Variants in ROR1 observed in about 807,000 individuals in gnomAD.
ROR1 encodes inactive tyrosine-protein kinase transmembrane receptor ROR1.
Under a neutral mutation model 78.8 loss-of-function variants are expected in ROR1, and 19 were observed. The observed-to-expected ratio is 0.24, with a 90% CI of 0.17 to 0.35. The LOEUF (loss-of-function observed/expected upper bound fraction) is 0.35, where lower values mean the gene tolerates loss of function less well. Among genes scored for constraint, ROR1 ranks in the 10% least tolerant of loss-of-function variants. ROR1 has a pLI of 1.00. For synonymous variants in ROR1, 386 were observed against 433.6 expected, an observed-to-expected ratio of 0.89 and a Z score of 1.36; for missense variants, 917 against 1,177.8, an observed-to-expected ratio of 0.78 and a Z score of 3.24.
At chr1:63,937,826 T>A (rs1645805698) in intron 1 of ROR1, among the ~76,000 whole-genome samples, 1 of 152,220 alleles carries the variant, frequency 6.6e-6, no homozygotes, top group African/African-American at 2.4e-5. Context: ...CTACTGAGTC[T>A]GTAGATGTTG....
intron 1 of ROR1, among the ~76,000 whole-genome samples, chr1:63,996,177 TCTTATTAAAAAGATGTA>T (rs1646335588): frequency 6.6e-6 from 1 of 152,106 alleles, no homozygotes; most frequent in Non-Finnish European, 1.5e-5. Flanking sequence ...AAGCATACAA[TCTTATTAAAAAGATGTA>T]CCCCCAAAGA....
intron 4 of ROR1, among the ~76,000 whole-genome samples, chr1:64,112,853 G>T (rs912054859): frequency 6.6e-6 from 1 of 152,084 alleles, no homozygotes; most frequent in East Asian, 1.9e-4. Context: ...CTCTTTTCCC[G>T]AATGCAAGAC....
rs930449287 is a variant in ROR1 at position 63,774,649 on chromosome 1, G to A, written c.91+141G>A. ...CCGGCCACCCGCCACGGGGCTCGCCGGCGCCGCCAGGCCAGGGTTTGCCCC... is the reference window on the plus strand; with the variant it reads ...CCGGCCACCCGCCACGGGGCTCGCCAGCGCCGCCAGGCCAGGGTTTGCCCC... On this transcript the variant is annotated intron_variant, in intron 1 of 8. Transcript: ENST00000371079. The surrounding 1 kb of genome is among the most constrained non-coding windows in gnomAD (Gnocchi z 5.7). The A allele has an allele frequency of 3.4e-6, 1 of 290,594 alleles. No individual in the cohort carries two copies. Among genetic ancestry groups the A allele is most frequent in the Non-Finnish European group, 5.2e-6 (1 of 193,224 alleles). 18.0% of individuals were successfully genotyped at this position (290,594 alleles called of 1,614,324 possible). A position where few individuals can be genotyped will look rare whatever the true frequency, so the allele number is the denominator to read the frequency against.
intron 2 of ROR1, among the ~76,000 whole-genome samples, chr1:64,020,207 A>G (rs1223782782): frequency 1.3e-5 from 2 of 152,236 alleles, no homozygotes; most frequent in East Asian, 1.9e-4. Flanking sequence ...AATTTGTTAA[A>G]GTAACATCAG....
intron 1 of ROR1, among the ~76,000 whole-genome samples, chr1:63,917,080 C>T (rs1645614789): frequency 6.6e-6 from 1 of 152,102 alleles, no homozygotes; most frequent in Admixed American, 6.6e-5. Flanking sequence ...GGACACTGTC[C>T]CTGAACCCAA....
intron 4 of ROR1, among the ~76,000 whole-genome samples, chr1:64,059,298 T>C (rs1310972330): frequency 2.6e-5 from 4 of 152,182 alleles, no homozygotes; most frequent in Admixed American, 6.5e-5. Flanking sequence ...TTGTGACAAC[T>C]GTGGAAATCA....
chr1:63,798,490 G>A (rs1485948664), intron 1 of ROR1, among the ~76,000 whole-genome samples: 15 of 152,056 alleles, frequency 9.9e-5, no homozygotes, highest in Non-Finnish European at 2.2e-4. Flanking sequence ...ATTATACATG[G>A]GCTTGAGCCA....
chr1:64,009,257 A>G (rs1646455988), intron 1 of ROR1, 48 bp from the exon 2 acceptor site: 3 of 1,370,028 alleles, frequency 2.2e-6, no homozygotes, highest in African/African-American at 1.4e-5. Flanking sequence ...AAATTACTAT[A>G]TTTAATATTG....
chr1:64,026,219 G>A (rs769326047), intron 2 of ROR1, among the ~76,000 whole-genome samples: 2 of 152,174 alleles, frequency 1.3e-5, no homozygotes, highest in Non-Finnish European at 2.9e-5. Flanking sequence ...GGACTTTGCA[G>A]TAAGATTGGC....
intron 1 of ROR1, among the ~76,000 whole-genome samples, chr1:63,937,702 T>G (rs1161898279): frequency 6.6e-6 from 1 of 152,170 alleles, no homozygotes; most frequent in Non-Finnish European, 1.5e-5. Context: ...CAGGTGGTTT[T>G]GGGAAATGAG....
chr1:64,099,750 T>G (rs1296559620), intron 4 of ROR1, among the ~76,000 whole-genome samples: 1 of 152,190 alleles, frequency 6.6e-6, no homozygotes, highest in Non-Finnish European at 1.5e-5. Flanking sequence ...TTTGTGGGTT[T>G]ATTGTTGAAA....
intron 1 of ROR1, among the ~76,000 whole-genome samples, chr1:63,846,173 T>C (rs1002099763): frequency 5.9e-5 from 7 of 117,744 alleles, no homozygotes; most frequent in African/African-American, 2.1e-4. Flanking sequence ...TGTGTGTGTT[T>C]GAGAAATCAG....
intron 4 of ROR1, among the ~76,000 whole-genome samples, chr1:64,089,131 A>C (rs938255176): frequency 1.3e-5 from 2 of 152,124 alleles, no homozygotes; most frequent in African/African-American, 4.8e-5. Flanking sequence ...AATGTGTTTC[A>C]CCTTCAGAAT....
At chr1:63,811,982 A>G (rs1189509839) in intron 1 of ROR1, among the ~76,000 whole-genome samples, 2 of 135,400 alleles carry the variant, frequency 1.5e-5, no homozygotes, top group African/African-American at 3.1e-5. Context: ...TTTTTTTGAG[A>G]CAGAGTCTCG....
chr1:64,132,656 A>G (rs1040468837), intron 4 of ROR1, among the ~76,000 whole-genome samples: 4 of 147,314 alleles, frequency 2.7e-5, no homozygotes, highest in African/African-American at 9.9e-5. Context: ...GCTACTCAGG[A>G]GGCTGAGGAA....
intron 1 of ROR1, among the ~76,000 whole-genome samples, chr1:63,959,274 G>A (rs891027527): frequency 1.3e-4 from 19 of 151,666 alleles, no homozygotes; most frequent in African/African-American, 2.2e-4. Flanking sequence ...ATTCAATTAC[G>A]TCCCACTAGG....
intron 1 of ROR1, among the ~76,000 whole-genome samples, chr1:63,895,409 AC>A: frequency 6.6e-6 from 1 of 152,294 alleles, no homozygotes; most frequent in East Asian, 1.9e-4. Flanking sequence ...AAGAAAATAA[AC>A]CATGTATCTT....
intron 1 of ROR1, among the ~76,000 whole-genome samples, chr1:63,821,446 A>C (rs533708557): frequency 6.6e-6 from 1 of 152,302 alleles, no homozygotes; most frequent in East Asian, 1.9e-4. Context: ...AACACTTTTC[A>C]CTGCTGCATT....
chr1:63,789,392 A>T (rs1476667378), intron 1 of ROR1: 1 of 363,412 alleles, frequency 2.8e-6, no homozygotes, highest in Admixed American at 3.8e-5. Flanking sequence ...AAAGCCAGTG[A>T]ATGGGGACAC....
Sources: allele counts gnomAD v4.1 joint callset (sites outside exome capture counted in the v4.1 genomes callset), GRCh38; gene constraint gnomAD v4.1.1; non-coding constraint Gnocchi (gnomAD v3.1); transcripts MANE v1.5; gene names NCBI Gene and HGNC (gene_info 2026-07-23, HGNC 2026-07-21).